Variants in XPNPEP3 observed in about 807,000 individuals in gnomAD.
The protein encoded by XPNPEP3 is X-prolyl aminopeptidase 3.
A neutral mutation model predicts 60.0 loss-of-function variants in XPNPEP3; 41 were observed. That is an observed-to-expected ratio of 0.68 (90% CI 0.53 to 0.89). XPNPEP3 has a LOEUF of 0.89. Ranked by LOEUF, XPNPEP3 falls within the 40% of genes least tolerant of loss-of-function variation. XPNPEP3 has a pLI of 0.00. For missense variants in XPNPEP3, 598 were observed against 638.9 expected, an observed-to-expected ratio of 0.94 and a Z score of 0.69; for synonymous variants, 212 against 223.2, an observed-to-expected ratio of 0.95 and a Z score of 0.45.
chr22:40,926,597 T>C lies in XPNPEP3; in HGVS notation c.*162T>C. ...ATGTAATTGTGTGTGGGGGGTTTTT[T>C]GTTTTAAGTAGTTAGAAGTCTGGGA... On this transcript the variant is annotated 3_prime_UTR_variant, in exon 10 of 10. Coordinates refer to ENST00000357137, the MANE Select transcript of XPNPEP3 (RefSeq NM_022098.4). 7.7e-6 allele frequency: 7 copies of C among 904,424 alleles called. No individual in the cohort carries two copies. The highest frequency in any genetic ancestry group is 1.2e-5 in the Non-Finnish European group (7 of 568,910). The allele number at this position is 904,424 out of a possible 1,614,324, so 56.0% of individuals were successfully genotyped here.
At position 40,922,226 on chromosome 22, in the gene XPNPEP3, G is replaced by A. The variant is rs892996777; in HGVS notation, c.1056-107G>A. 4 of 1,321,624 alleles carry A rather than the reference G, an allele frequency of 3.0e-6. No homozygotes were observed. The African/African-American group carries it at 4.4e-5, about 14-fold the overall frequency. 81.9% of individuals were successfully genotyped at this position (1,321,624 alleles called of 1,614,324 possible). ...TTGGTACTTATTAAACATCAACAGT[G>A]CCCCAGCAACAGCAGCATCTTGGGG... On this transcript the variant is annotated intron_variant, in intron 7 of 9. Coordinates refer to ENST00000357137, the MANE Select transcript of XPNPEP3 (RefSeq NM_022098.4).
intron 2 of XPNPEP3, among the ~76,000 whole-genome samples, chr22:40,876,462 C>T (rs913437175): frequency 5.3e-5 from 8 of 152,134 alleles, no homozygotes; most frequent in African/African-American, 1.9e-4. Flanking sequence ...ATTGTATAAT[C>T]CACATAACAA....
rs965156475 is a variant in XPNPEP3, at chr22:40,926,764, T to C, written c.*329T>C. Reference sequence around the variant, plus strand: ...ATTCCAGTTAACACATTTAAACATATAGAAAATTCACTTCTTCTTTCAAGT... The same window carrying C: ...ATTCCAGTTAACACATTTAAACATACAGAAAATTCACTTCTTCTTTCAAGT... On this transcript the variant is annotated 3_prime_UTR_variant, in exon 10 of 10. Coordinates refer to ENST00000357137, the MANE Select transcript of XPNPEP3 (RefSeq NM_022098.4). 1.4e-5 allele frequency: 5 copies of C among 352,730 alleles called. No homozygotes were observed. Among genetic ancestry groups the C allele is most frequent in the Admixed American group, 4.3e-5 (1 of 23,380 alleles). 21.9% of individuals were successfully genotyped at this position (352,730 alleles called of 1,614,324 possible).
intron 5 of XPNPEP3, 64 bp from the exon 6 acceptor site, chr22:40,909,058 G>A: frequency 7.2e-7 from 1 of 1,382,064 alleles, no homozygotes; most frequent in Non-Finnish European, 1.0e-6. Context: ...GGCTGTTGAA[G>A]AGAGCTTGGG....
Position 40,928,033 on chromosome 22 carries a change from CAGT to C in XPNPEP3, c.*1604_*1606del, listed in dbSNP as rs1316115997. The C allele has an allele frequency of 2.0e-5, 3 of 151,486 alleles. No individual in the cohort carries two copies. Among genetic ancestry groups the C allele is most frequent in the Non-Finnish European group, 4.4e-5 (3 of 68,024 alleles). 9.4% of individuals were successfully genotyped at this position (151,486 alleles called of 1,614,324 possible). On this transcript the variant is annotated 3_prime_UTR_variant, in exon 10 of 10. Transcript: ENST00000357137. ...CTACTTACGTACCCTGTCAGAGTCA[CAGT>C]AGTAGCGCCCAGTTTTCAGAGAAGT...
At position 40,886,507 on chromosome 22, in the gene XPNPEP3, A is replaced by ACAT. The variant is rs1389066924; in HGVS notation, c.787_789dup (p.Ser263dup). 6.2e-7 allele frequency: 1 copy of ACAT among 1,613,912 alleles called. No homozygotes were observed. Among genetic ancestry groups the ACAT allele is most frequent in the African/African-American group, 1.3e-5 (1 of 75,038 alleles). On this transcript the variant is annotated inframe_insertion, in exon 4 of 10. Transcript: ENST00000357137. ...ACGAATGCAGATTGCTGGGAAGCTG[A>ACAT]CATCACAGGTATGATTCCTATTGAA...
At chr22:40,903,413 C>T (rs2058142344) in intron 4 of XPNPEP3, among the ~76,000 whole-genome samples, 1 of 152,094 alleles carries the variant, frequency 6.6e-6, no homozygotes, top group African/African-American at 2.4e-5. Context: ...TCACTGCTAG[C>T]CCCAGCCAGA....
chr22:40,907,088 G>A (rs1306316326), intron 4 of XPNPEP3: 1 of 456,266 alleles, frequency 2.2e-6, no homozygotes, highest in Non-Finnish European at 4.4e-6. Context: ...ATTTTGGAGG[G>A]GACACATTCA....
chr22:40,907,404 G>T (rs1473870349), intron 4 of XPNPEP3, among the ~76,000 whole-genome samples, 183 bp from the exon 5 acceptor site: 2 of 151,962 alleles, frequency 1.3e-5, no homozygotes, highest in South Asian at 4.1e-4. Flanking sequence ...CTGGGCAACA[G>T]AGCGAGACTC....
At chr22:40,916,756 T>C (rs1399008709) in intron 7 of XPNPEP3, among the ~76,000 whole-genome samples, 1 of 152,050 alleles carries the variant, frequency 6.6e-6, no homozygotes, top group Admixed American at 6.6e-5. Context: ...CAAAGAAAAT[T>C]ATCTTGGGGT....
At chr22:40,870,867 C>T (rs943895813) in intron 2 of XPNPEP3, among the ~76,000 whole-genome samples, 1 of 151,420 alleles carries the variant, frequency 6.6e-6, no homozygotes, top group South Asian at 2.1e-4. Context: ...AAAAATACCC[C>T]CCAAAAAAAA....
At chr22:40,899,590 G>A (rs2058123262) in intron 4 of XPNPEP3, among the ~76,000 whole-genome samples, 1 of 152,212 alleles carries the variant, frequency 6.6e-6, no homozygotes, top group Non-Finnish European at 1.5e-5. Flanking sequence ...GGGAGGCCAA[G>A]GTAGGTGGAT....
At chr22:40,890,800 C>T (rs1180922667) in intron 4 of XPNPEP3, among the ~76,000 whole-genome samples, 13 of 150,478 alleles carry the variant, frequency 8.6e-5, no homozygotes, top group Admixed American at 7.3e-4. Context: ...CCAGGGAGGT[C>T]GAGGCTGCAG....
At chr22:40,892,650 C>A (rs566424471) in intron 4 of XPNPEP3, among the ~76,000 whole-genome samples, 2 of 152,122 alleles carry the variant, frequency 1.3e-5, no homozygotes, top group Non-Finnish European at 2.9e-5. Flanking sequence ...ACAACTGTTT[C>A]ATTTGTACAA....
chr22:40,892,930 A>T (rs2058093693), intron 4 of XPNPEP3, among the ~76,000 whole-genome samples: 1 of 150,122 alleles, frequency 6.7e-6, no homozygotes, highest in South Asian at 2.1e-4. Context: ...CTCTTTTTAC[A>T]CATATTATAA....
chr22:40,887,478 T>A (rs1303246264), intron 4 of XPNPEP3, among the ~76,000 whole-genome samples: 1 of 152,186 alleles, frequency 6.6e-6, no homozygotes. Context: ...GCCATCATGG[T>A]CCATTTCTGG....
chr22:40,870,748 G>C (rs1402135983), intron 2 of XPNPEP3, among the ~76,000 whole-genome samples: 1 of 152,168 alleles, frequency 6.6e-6, no homozygotes, highest in Non-Finnish European at 1.5e-5. Flanking sequence ...GCCGGGCGCA[G>C]TGGCTCATAC....
intron 2 of XPNPEP3, chr22:40,870,367 C>T (rs1282001424): frequency 4.3e-6 from 1 of 230,222 alleles, no homozygotes; most frequent in African/African-American, 2.3e-5. Context: ...GATTTTTTTG[C>T]TCTATACCTT....
chr22:40,905,481 A>G (rs2058151170), intron 4 of XPNPEP3, among the ~76,000 whole-genome samples: 1 of 152,174 alleles, frequency 6.6e-6, no homozygotes, highest in East Asian at 1.9e-4. Context: ...AGTGAGCACA[A>G]TAGACTATCC....
Sources: allele counts gnomAD v4.1 joint callset (sites outside exome capture counted in the v4.1 genomes callset), GRCh38; gene constraint gnomAD v4.1.1; transcripts MANE v1.5; gene names NCBI Gene and HGNC (gene_info 2026-07-23, HGNC 2026-07-21).